The following TANC2 variants were observed in gnomAD, a reference collection of about 807,000 sequenced individuals.
TANC2 encodes the protein protein TANC2.
Under a neutral mutation model 210.5 loss-of-function variants are expected in TANC2, and 26 were observed. That is an observed-to-expected ratio of 0.12 (90% CI 0.09 to 0.17). The LOEUF (loss-of-function observed/expected upper bound fraction) is 0.17, where lower values mean the gene tolerates loss of function less well. Ranked by LOEUF, TANC2 falls within the 10% of genes least tolerant of loss-of-function variation. The probability of loss-of-function intolerance (pLI) is 1.00; values close to 1 mark genes in which losing one functional copy is unlikely to be tolerated. For missense variants in TANC2, 2,129 were observed against 2,608.9 expected (o/e 0.82, Z 4.01); for synonymous variants, 931 against 967.1 (o/e 0.96, Z 0.69).
intron 18 of TANC2, chr17:63,396,959 A>G (rs1015154683): frequency 6.6e-6 from 1 of 152,090 alleles, no homozygotes; most frequent in Non-Finnish European, 1.5e-5. Context: ...TGAATCTACA[A>G]TAAAATTTGA....
chr17:63,306,693 G>A (rs759814272), intron 9 of TANC2, among the ~76,000 whole-genome samples: 5 of 152,180 alleles, frequency 3.3e-5, no homozygotes, highest in Non-Finnish European at 2.9e-5. Context: ...GGTGGCTCAC[G>A]CATGTAATCC....
chr17:63,238,502 A>G (rs2042684592), intron 8 of TANC2, among the ~76,000 whole-genome samples: 2 of 152,166 alleles, frequency 1.3e-5, no homozygotes, highest in Admixed American at 1.3e-4. Context: ...CATCATCCAT[A>G]GTTTGTAAAA....
chr17:63,056,933 A>C (rs1354760125), intron 2 of TANC2, among the ~76,000 whole-genome samples: 1 of 151,808 alleles, frequency 6.6e-6, no homozygotes, highest in East Asian at 1.9e-4. Flanking sequence ...GTGAGGGGAA[A>C]TGTCTATGTT....
chr17:63,213,012 A>G (rs2041930022), intron 7 of TANC2, among the ~76,000 whole-genome samples: 1 of 152,238 alleles, frequency 6.6e-6, no homozygotes, highest in Non-Finnish European at 1.5e-5. Flanking sequence ...CACCCTTGAT[A>G]TAATTCTAGC....
intron 14 of TANC2, among the ~76,000 whole-genome samples, chr17:63,368,051 A>G (rs1192707607): frequency 1.3e-5 from 2 of 152,226 alleles, no homozygotes; most frequent in Admixed American, 1.3e-4. Context: ...GGTAAGACCT[A>G]TAACAGGAGA....
intron 9 of TANC2, among the ~76,000 whole-genome samples, chr17:63,292,555 A>G (rs1014953886): frequency 3.9e-5 from 6 of 152,222 alleles, no homozygotes; most frequent in African/African-American, 1.4e-4. Context: ...TGAAAATTGC[A>G]AACATGGTTC....
intron 9 of TANC2, among the ~76,000 whole-genome samples, chr17:63,284,144 T>C (rs752058559): frequency 8.5e-5 from 13 of 152,064 alleles, no homozygotes; most frequent in Non-Finnish European, 1.6e-4. Flanking sequence ...TGTTAGTTTG[T>C]TGATACTTTT....
chr17:63,417,698 T>C (rs1380363187), intron 26 of TANC2, among the ~76,000 whole-genome samples: 2 of 152,220 alleles, frequency 1.3e-5, no homozygotes, highest in African/African-American at 4.8e-5. Context: ...CACTTGATCC[T>C]ACCCCCGGGG....
rs182464180 is a variant in TANC2, at chr17:63,342,169, A to T, written c.1807+1837A>T. Among the ~76,000 whole-genome samples the T allele has an allele frequency of 4.9e-4, 75 of 152,202 alleles. 1 individual carries two copies. Among genetic ancestry groups the T allele is most frequent in the Admixed American group, 3.9e-3 (60 of 15,284 alleles). On this transcript the variant is annotated intron_variant, in intron 12 of 27. Transcript: ENST00000689528. ...CAAATAACATTAGATCCTTTTTCAAAATATATATATGTATTTATGGTACAT... is the reference window on the plus strand; with the variant it reads ...CAAATAACATTAGATCCTTTTTCAATATATATATATGTATTTATGGTACAT...
intron 25 of TANC2, among the ~76,000 whole-genome samples, chr17:63,414,874 T>C (rs916365345): frequency 2.0e-5 from 3 of 152,218 alleles, no homozygotes; most frequent in African/African-American, 7.2e-5. Flanking sequence ...AAATTGGTCA[T>C]AGATTTACTT....
chr17:63,064,456 C>G (rs239356), intron 2 of TANC2, among the ~76,000 whole-genome samples: 13,080 of 152,100 alleles, frequency 0.086, 1,114 homozygotes, highest in African/African-American at 0.22. Context: ...GAGACCCTAT[C>G]TGAAAAACAA....
chr17:63,037,450 A>G (rs1271126586), intron 2 of TANC2, among the ~76,000 whole-genome samples: 1 of 152,180 alleles, frequency 6.6e-6, no homozygotes, highest in Non-Finnish European at 1.5e-5. Flanking sequence ...GAAATCACAG[A>G]TAAGGGGGTG....
chr17:63,015,083 A>G (rs1598256269), intron 2 of TANC2, among the ~76,000 whole-genome samples: 1 of 152,026 alleles, frequency 6.6e-6, no homozygotes, highest in East Asian at 1.9e-4. Context: ...TCTTTATATT[A>G]ATTGATGGCT....
chr17:63,113,497 T>A (rs2145056682), intron 4 of TANC2, among the ~76,000 whole-genome samples: 1 of 152,156 alleles, frequency 6.6e-6, no homozygotes, highest in East Asian at 1.9e-4. Flanking sequence ...AGAAATGTGG[T>A]TATTTCATTT....
intron 4 of TANC2, among the ~76,000 whole-genome samples, chr17:63,116,297 T>G (rs534086870): frequency 1.3e-5 from 2 of 152,320 alleles, no homozygotes; most frequent in African/African-American, 4.8e-5. Context: ...CAGAAGACTA[T>G]AGAGAGAGTA....
At chr17:63,141,379 T>TAAAAAAAAAAAAAAAAA (rs71155970) in intron 4 of TANC2, among the ~76,000 whole-genome samples, 3 of 21,876 alleles carry the variant, frequency 1.4e-4, no homozygotes, top group Non-Finnish European at 1.7e-4. Flanking sequence ...CCGTTTCTAC[T>TAAAAAAAAAAAAAAAAA]AAAAAAAAAA....
At chr17:63,335,940 T>G (rs930442839) in intron 11 of TANC2, among the ~76,000 whole-genome samples, 3 of 151,264 alleles carry the variant, frequency 2.0e-5, no homozygotes, top group Non-Finnish European at 2.9e-5. Context: ...AGTAAAAAAT[T>G]AAAAAATAAA....
At chr17:63,212,986 A>G (rs1246607046) in intron 7 of TANC2, among the ~76,000 whole-genome samples, 4 of 152,252 alleles carry the variant, frequency 2.6e-5, no homozygotes, top group African/African-American at 9.6e-5. Context: ...GTTCAAAATA[A>G]GGTAACTAAT....
chr17:63,316,564 A>G (rs916678738), intron 10 of TANC2, among the ~76,000 whole-genome samples: 4 of 152,188 alleles, frequency 2.6e-5, no homozygotes, highest in African/African-American at 9.7e-5. Flanking sequence ...AGAAACACCA[A>G]GACACTCCCC....
Sources: allele counts gnomAD v4.1 joint callset (sites outside exome capture counted in the v4.1 genomes callset), GRCh38; gene constraint gnomAD v4.1.1; transcripts MANE v1.5; gene names NCBI Gene and HGNC (gene_info 2026-07-23, HGNC 2026-07-21).